ITPRID1: variants seen among roughly 807,000 people sequenced by gnomAD.
ITPRID1 encodes the protein protein ITPRID1.
Under a neutral mutation model 95.4 loss-of-function variants are expected in ITPRID1, and 96 were observed. The observed-to-expected ratio is 1.01, with a 90% confidence interval of 0.85 to 1.19. The LOEUF is 1.19. Among genes scored for constraint, ITPRID1 ranks in the 50% most tolerant of loss-of-function variants. ITPRID1 has a pLI of 0.00. For missense variants in ITPRID1, 1,339 were observed against 1,252.9 expected (o/e 1.07, Z -1.04); for synonymous variants, 510 against 453.6 (o/e 1.12, Z -1.58).
Position 31,594,570 on chromosome 7 carries a change from C to G in ITPRID1, c.1228+11379C>G, listed in dbSNP as rs910071196. Among the ~76,000 whole-genome samples, 7 of 151,982 alleles carry G rather than the reference C, an allele frequency of 4.6e-5. 1 individual carries two copies. Among genetic ancestry groups the G allele is most frequent in the African/African-American group, 1.7e-4 (7 of 41,390 alleles). On this transcript the variant is annotated intron_variant, in intron 10 of 14. Coordinates refer to ENST00000615280, the MANE Select transcript of ITPRID1 (RefSeq NM_001257967.3). ...GAAATGGATACAATAAAAATGGGAGCTTTTGGCTGGGTGTGGTGGCTCATG... is the reference window on the plus strand; with the variant it reads ...GAAATGGATACAATAAAAATGGGAGGTTTTGGCTGGGTGTGGTGGCTCATG...
In ITPRID1 at chr7:31,519,620, C is replaced by CTATATATATATATATATA. The variant is rs750544823; in HGVS notation, c.-98+5509_-98+5526dup. On this transcript the variant is annotated intron_variant, in intron 1 of 14. Transcript: ENST00000615280. The stretch of plus-strand genomic sequence containing the variant: ...TCTCTCTCTCTCTCTCTCTCTCTCT[C>CTATATATATATATATATA]TATATATATATATATATATATATAT... Among the ~76,000 whole-genome samples, 51 of 25,250 alleles carry CTATATATATATATATATA rather than the reference C, an allele frequency of 2.0e-3. 2 individuals are homozygous for CTATATATATATATATATA. The highest frequency in any genetic ancestry group is 2.5e-3 in the African/African-American group (18 of 7,080). The allele number at this position is 25,250 out of a possible 152,430, so 16.6% of individuals were successfully genotyped here. A position where few individuals can be genotyped will look rare whatever the true frequency, so the allele number is the denominator to read the frequency against.
At position 31,519,612 on chromosome 7, in the gene ITPRID1, CTCTCTCTCTATATATATA is replaced by C. The variant is rs1396735378; in HGVS notation, c.-98+5494_-98+5511del. 2.2e-3 allele frequency among the ~76,000 whole-genome samples: 103 copies of C among 46,872 alleles called. 3 individuals carry two copies. The highest frequency in any genetic ancestry group is 0.013 in the South Asian group (12 of 948). The allele number at this position is 46,872 out of a possible 152,430, so 30.7% of individuals were successfully genotyped here. On this transcript the variant is annotated intron_variant, in intron 1 of 14. Transcript: ENST00000615280. ...TCTCTCTCTCTCTCTCTCTCTCTCT[CTCTCTCTCTATATATATA>C]TATATATATATATATAAATCTTATG... is the stretch of plus-strand genomic sequence containing the variant.
At position 31,651,968 on chromosome 7, in the gene ITPRID1, G is replaced by C. The variant is rs80081783; in HGVS notation, c.2741G>C (p.Arg914Pro). ...GAGGCCGAGCAACTGCAAACGTTAC[G>C]TGAGGCCCTGAGGCAGCAGGTGGCA... ...REEAEQLQTLREALRQQVAEL... is the reference protein window; with the variant it reads ...REEAEQLQTLPEALRQQVAEL... Residue 914 changes from arginine to proline, a missense_variant, in exon 14 of 15, where the codon CGT (arginine) becomes CCT (proline). Arg to Pro is a moderately radical substitution (Grantham distance 103, BLOSUM62 -2). Coordinates refer to ENST00000615280, the MANE Select transcript of ITPRID1 (RefSeq NM_001257967.3). 3.1e-6 allele frequency: 5 copies of C among 1,603,214 alleles called. No individual in the cohort carries two copies. Among genetic ancestry groups the C allele is most frequent in the Non-Finnish European group, 4.3e-6 (5 of 1,175,036 alleles).
intron 10 of ITPRID1, among the ~76,000 whole-genome samples, chr7:31,589,639 T>A (rs1785777444): frequency 6.6e-6 from 1 of 152,172 alleles, no homozygotes; most frequent in African/African-American, 2.4e-5. Context: ...AAGATTTGAA[T>A]GACAGAAGAC....
At chr7:31,648,442 A>G (rs2128217229) in intron 12 of ITPRID1, among the ~76,000 whole-genome samples, 1 of 152,152 alleles carries the variant, frequency 6.6e-6, no homozygotes, top group East Asian at 1.9e-4. Context: ...TTCTATACTT[A>G]TTCTAGGGCT....
intron 10 of ITPRID1, among the ~76,000 whole-genome samples, chr7:31,603,288 C>T (rs894863247): frequency 6.6e-6 from 1 of 152,106 alleles, no homozygotes; most frequent in African/African-American, 2.4e-5. Flanking sequence ...ACCACATCCT[C>T]CCTCCCCGTG....
Position 31,565,464 on chromosome 7 carries a change from G to C in ITPRID1, c.257-4294G>C, listed in dbSNP as rs906165807. ...GAAGAGAAAGTAATAGGCCAGCTGT[G>C]GTGGATCACACCTGTAAACCCAGCA... On this transcript the variant is annotated intron_variant, in intron 5 of 14. Coordinates refer to ENST00000615280, the MANE Select transcript of ITPRID1 (RefSeq NM_001257967.3). Among the ~76,000 whole-genome samples the C allele has an allele frequency of 9.9e-5, 15 of 152,254 alleles. No homozygotes were observed. In the South Asian group the frequency reaches 1.2e-3, roughly 13 times the overall value.
chr7:31,584,915 C>T (rs1275882921), intron 10 of ITPRID1, among the ~76,000 whole-genome samples: 1 of 152,192 alleles, frequency 6.6e-6, no homozygotes, highest in South Asian at 2.1e-4. Flanking sequence ...GTGCTAGTTT[C>T]AGTGCCACTC....
intron 5 of ITPRID1, among the ~76,000 whole-genome samples, chr7:31,559,750 TA>T (rs1784567183): frequency 1.3e-5 from 2 of 152,170 alleles, no homozygotes; most frequent in Non-Finnish European, 2.9e-5. Flanking sequence ...TTATGTCACA[TA>T]AAACCCATGA....
intron 5 of ITPRID1, among the ~76,000 whole-genome samples, chr7:31,568,535 C>T (rs569801120): frequency 2.6e-5 from 4 of 152,158 alleles, no homozygotes; most frequent in African/African-American, 4.8e-5. Context: ...AACAAGTAAG[C>T]GGAAATAAGA....
chr7:31,602,057 TGGCAG>T (rs1180621959), intron 10 of ITPRID1, among the ~76,000 whole-genome samples: 6 of 152,306 alleles, frequency 3.9e-5, no homozygotes, highest in African/African-American at 1.4e-4. Context: ...TTTTCTTCCT[TGGCAG>T]TAGGCATAGA....
intron 10 of ITPRID1, among the ~76,000 whole-genome samples, chr7:31,611,208 G>T (rs73315483): frequency 1.0e-3 from 157 of 151,280 alleles, no homozygotes; most frequent in African/African-American, 3.5e-3. Context: ...AATTTCAATA[G>T]CATGTTAAAA....
At chr7:31,628,163 G>C (rs1406334970) in intron 10 of ITPRID1, among the ~76,000 whole-genome samples, 1 of 152,224 alleles carries the variant, frequency 6.6e-6, no homozygotes, top group Non-Finnish European at 1.5e-5. Flanking sequence ...TTCAAAAAGT[G>C]CCCTGAAGGA....
At chr7:31,645,485 G>A (rs1217695450) in intron 12 of ITPRID1, among the ~76,000 whole-genome samples, 2 of 152,096 alleles carry the variant, frequency 1.3e-5, no homozygotes, top group Non-Finnish European at 2.9e-5. Flanking sequence ...TTTTCCAAAA[G>A]TTCAGTGGAA....
At chr7:31,651,786 GACA>G (rs1224080708) in intron 13 of ITPRID1, among the ~76,000 whole-genome samples, 150 bp from the exon 14 acceptor site, 2 of 149,974 alleles carry the variant, frequency 1.3e-5, no homozygotes, top group Non-Finnish European at 3.0e-5. Context: ...TTTTAAAGAA[GACA>G]ACCTTAGTAA....
chr7:31,579,643 A>G (rs991859638), intron 9 of ITPRID1, among the ~76,000 whole-genome samples: 1 of 152,242 alleles, frequency 6.6e-6, no homozygotes, highest in Admixed American at 6.5e-5. Context: ...AGGCTTAACC[A>G]TAATTTCAAA....
intron 1 of ITPRID1, among the ~76,000 whole-genome samples, chr7:31,549,032 A>G (rs1015857436): frequency 3.9e-5 from 6 of 152,126 alleles, no homozygotes; most frequent in Admixed American, 3.9e-4. Context: ...ATGAGGATCC[A>G]TGGATGAGAT....
intron 5 of ITPRID1, among the ~76,000 whole-genome samples, chr7:31,562,306 G>A (rs1280642737): frequency 6.6e-6 from 1 of 152,142 alleles, no homozygotes; most frequent in Non-Finnish European, 1.5e-5. Context: ...ATAACTGTGA[G>A]TGAAAAGACT....
In ITPRID1 at chr7:31,604,133, C is replaced by T. The variant is rs13224959; in HGVS notation, c.1228+20942C>T. ...GCTAAGGGCTGCTGTGGCATCTACA[C>T]GGGGGTTAGTATGTGGGGCTGTAAG... On this transcript the variant is annotated intron_variant, in intron 10 of 14. Transcript: ENST00000615280. Among the ~76,000 whole-genome samples the T allele has an allele frequency of 3.5e-3, 536 of 152,304 alleles. 2 individuals carry two copies. Among genetic ancestry groups the T allele is most frequent in the Middle Eastern group, 0.014 (4 of 294 alleles).
Sources: gnomAD v4.1 joint callset for allele counts (sites outside exome capture counted in the v4.1 genomes callset) on GRCh38, gnomAD v4.1.1 for gene constraint, MANE v1.5 for transcripts, NCBI Gene and HGNC (gene_info 2026-07-23, HGNC 2026-07-21) for gene names.